ADAMTS19: variants seen among roughly 807,000 people sequenced by gnomAD.
ADAMTS19 encodes the protein ADAM metallopeptidase with thrombospondin type 1 motif 19, also known as A disintegrin and metalloproteinase with thrombospondin motifs 19.
ADAMTS19 carries 93 observed loss-of-function variants against 153.3 expected under a neutral mutation model. The ratio of observed to expected loss-of-function variants is 0.61; its 90% CI spans 0.51 to 0.72. ADAMTS19 has a LOEUF of 0.72. Ranked by LOEUF, ADAMTS19 falls within the 30% of genes least tolerant of loss-of-function variation. The pLI, the probability that ADAMTS19 is intolerant of heterozygous loss-of-function variation, is 0.00. For synonymous variants in ADAMTS19, 600 were observed against 556.6 expected, an observed-to-expected ratio of 1.08 and a Z score of -1.10; for missense variants, 1,482 against 1,552.1, an observed-to-expected ratio of 0.95 and a Z score of 0.76.
chr5:129,487,340 G>A (rs968095298), intron 2 of ADAMTS19, among the ~76,000 whole-genome samples: 6 of 151,896 alleles, frequency 4.0e-5, no homozygotes, highest in Admixed American at 1.3e-4. Context: ...AATGCATTTC[G>A]ACAATAAATT....
chr5:129,724,804 T>G (rs1757139502), intron 21 of ADAMTS19, among the ~76,000 whole-genome samples: 1 of 152,166 alleles, frequency 6.6e-6, no homozygotes, highest in Admixed American at 6.5e-5. Context: ...GTGTGCCGTT[T>G]GTTTGCATAG....
intron 8 of ADAMTS19, among the ~76,000 whole-genome samples, chr5:129,619,716 T>C (rs1751690044): frequency 6.6e-6 from 1 of 151,910 alleles, no homozygotes; most frequent in Non-Finnish European, 1.5e-5. Context: ...AGACTTTGTA[T>C]ATACTGTCAT....
intron 7 of ADAMTS19, among the ~76,000 whole-genome samples, chr5:129,579,031 T>C (rs56148278): frequency 0.039 from 5,945 of 152,294 alleles, 362 homozygotes; most frequent in African/African-American, 0.14. Context: ...TCTTCCACAA[T>C]GGCTGAACTA....
intron 7 of ADAMTS19, among the ~76,000 whole-genome samples, chr5:129,588,874 T>C (rs1277609914): frequency 6.6e-6 from 1 of 151,800 alleles, no homozygotes. Context: ...TGACTACTAA[T>C]ATATTTTACT....
chr5:129,489,967 G>C (rs1750714458), intron 2 of ADAMTS19, among the ~76,000 whole-genome samples: 1 of 152,076 alleles, frequency 6.6e-6, no homozygotes, highest in Non-Finnish European at 1.5e-5. Flanking sequence ...ATAATTTTCT[G>C]AACTTTCAAA....
At chr5:129,523,027 C>T (rs1751879844) in intron 3 of ADAMTS19, among the ~76,000 whole-genome samples, 1 of 150,424 alleles carries the variant, frequency 6.6e-6, no homozygotes, top group Admixed American at 6.6e-5. Flanking sequence ...TGCGCTCCAG[C>T]CTGGGCGGCA....
rs919086010 is a variant in ADAMTS19, at chr5:129,461,466, G to T, written c.456G>T (p.Pro152=). 168 of 1,459,660 alleles carry T rather than the reference G, an allele frequency of 1.2e-4. No homozygotes were observed. In the African/African-American group the frequency reaches 2.3e-3, roughly 20 times the overall value. 90.4% of individuals were successfully genotyped at this position (1,459,660 alleles called of 1,614,324 possible). The change falls in exon 2 of 23, where the codon CCG becomes CCT. Residue 152 remains proline, a synonymous_variant. Transcript: ENST00000274487. The surrounding 1 kb of genome is among the most constrained non-coding windows in gnomAD (Gnocchi z 4.6). ...CCTCGTGGCAGCCGCCGCCTCCCCC[G>T]CAGCCGCCCCCGTCCCCGCCCCCGG... The part of the protein sequence containing the change: ...APASWQPPPP[P]QPPPSPPPAQ...
At chr5:129,467,517 A>G (rs1434902060) in intron 2 of ADAMTS19, among the ~76,000 whole-genome samples, 1 of 152,244 alleles carries the variant, frequency 6.6e-6, no homozygotes, top group Non-Finnish European at 1.5e-5. Flanking sequence ...TTCACAGAAT[A>G]TTAGAAAATC....
intron 1 of ADAMTS19, 121 bp downstream of exon 1, chr5:129,460,603 A>G: frequency 1.8e-6 from 2 of 1,096,824 alleles, no homozygotes; most frequent in South Asian, 1.3e-5. Flanking sequence ...GGGTAGCAAT[A>G]AAAATGAGCT....
At chr5:129,526,561 C>A in intron 4 of ADAMTS19, 105 bp downstream of exon 4, 1 of 1,115,444 alleles carries the variant, frequency 9.0e-7, no homozygotes, top group South Asian at 1.6e-5. Flanking sequence ...CATTACTATT[C>A]CTTTCTCTTA....
intron 7 of ADAMTS19, among the ~76,000 whole-genome samples, chr5:129,560,446 CA>C (rs1753464073): frequency 6.6e-6 from 1 of 152,114 alleles, no homozygotes; most frequent in Non-Finnish European, 1.5e-5. Flanking sequence ...ATCTTTGTCC[CA>C]GTGCGATGGC....
intron 2 of ADAMTS19, among the ~76,000 whole-genome samples, chr5:129,496,169 T>A (rs891430862): frequency 6.6e-6 from 1 of 151,978 alleles, no homozygotes; most frequent in Non-Finnish European, 1.5e-5. Flanking sequence ...AGAATGGGAA[T>A]TGGGGAGAAT....
chr5:129,580,322 A>C (rs980300381), intron 7 of ADAMTS19, among the ~76,000 whole-genome samples: 7 of 152,268 alleles, frequency 4.6e-5, no homozygotes, highest in Admixed American at 4.6e-4. Context: ...TTATTACCTT[A>C]AGGAGATTTT....
chr5:129,553,678 C>T (rs953937853), intron 7 of ADAMTS19, among the ~76,000 whole-genome samples: 13 of 152,128 alleles, frequency 8.5e-5, no homozygotes, highest in South Asian at 2.1e-4. Context: ...TTCTCCCTTC[C>T]GTATCTTATG....
intron 7 of ADAMTS19, among the ~76,000 whole-genome samples, chr5:129,564,022 C>T (rs1002580967): frequency 6.6e-6 from 1 of 151,966 alleles, no homozygotes; most frequent in Non-Finnish European, 1.5e-5. Flanking sequence ...TGGGTTCAAG[C>T]GATTCGCCTG....
rs193126437 is a variant in ADAMTS19 at position 129,548,827 on chromosome 5, C to A, written c.1329-3037C>A. Among the ~76,000 whole-genome samples, 1,182 of 151,712 alleles carry A rather than the reference C, an allele frequency of 7.8e-3. 8 individuals carry two copies. Among genetic ancestry groups the A allele is most frequent in the South Asian group, 0.029 (140 of 4,786 alleles). ...TTAAGAAAATGTGGCACATATACAC[C>A]ATAGAATACTATGCAGCCATAAAAA... On this transcript the variant is annotated intron_variant, in intron 6 of 22. Transcript: ENST00000274487.
chr5:129,642,014 A>G lies in ADAMTS19; in HGVS notation c.1872+54A>G, dbSNP rs2127024616. On this transcript the variant is annotated intron_variant, in intron 11 of 22. Transcript: ENST00000274487. Reference sequence around the variant, plus strand: ...TGAGCATACTAGATGAAACTTGAGAATCTTGCATTTTCTCTGCCAGTTACA... The same window carrying G: ...TGAGCATACTAGATGAAACTTGAGAGTCTTGCATTTTCTCTGCCAGTTACA... 4.4e-6 allele frequency: 5 copies of G among 1,146,090 alleles called. No individual in the cohort carries two copies. The South Asian group carries it at 6.2e-5, about 14-fold the overall frequency. The allele number at this position is 1,146,090 out of a possible 1,614,324, so 71.0% of individuals were successfully genotyped here. A position where few individuals can be genotyped will look rare whatever the true frequency, so the allele number is the denominator to read the frequency against.
intron 2 of ADAMTS19, among the ~76,000 whole-genome samples, chr5:129,507,531 G>C (rs964864364): frequency 1.3e-5 from 2 of 151,980 alleles, no homozygotes; most frequent in African/African-American, 4.8e-5. Flanking sequence ...GAACTTACTT[G>C]AAGTTATTTG....
intron 3 of ADAMTS19, among the ~76,000 whole-genome samples, chr5:129,513,021 T>G (rs1751489918): frequency 6.6e-6 from 1 of 151,974 alleles, no homozygotes; most frequent in African/African-American, 2.4e-5. Flanking sequence ...ATTTTTCTCC[T>G]GACTTCCATA....
Sources: gnomAD v4.1 joint callset for allele counts (sites outside exome capture counted in the v4.1 genomes callset) on GRCh38, gnomAD v4.1.1 for gene constraint, Gnocchi (gnomAD v3.1) non-coding constraint, MANE v1.5 for transcripts, NCBI Gene and HGNC (gene_info 2026-07-23, HGNC 2026-07-21) for gene names.